The following SIGLEC14 variants were observed in gnomAD, a reference collection of about 807,000 sequenced individuals.
The protein encoded by SIGLEC14 is sialic acid binding Ig like lectin 14, also known as sialic acid-binding Ig-like lectin 14.
A neutral mutation model predicts 34.2 loss-of-function variants in SIGLEC14; 11 were observed. The observed-to-expected ratio is 0.32, with a 90% confidence interval of 0.20 to 0.53. The LOEUF is 0.53. Ranked by LOEUF, SIGLEC14 falls within the 20% of genes least tolerant of loss-of-function variation. SIGLEC14 has a pLI of 0.95. For missense variants in SIGLEC14, 264 were observed against 439.0 expected (o/e 0.60, Z 3.56); for synonymous variants, 99 against 179.7 (o/e 0.55, Z 3.59).
intron 5 of SIGLEC14, 43 bp downstream of exon 5, chr19:51,643,736 C>G (rs775247978): frequency 1.3e-6 from 2 of 1,514,330 alleles, no homozygotes; most frequent in Admixed American, 1.8e-5. Context: ...AACCTGAATA[C>G]CTCACCGGGC....
At position 51,642,862 on chromosome 19, in the gene SIGLEC14, C is replaced by CA. The variant is rs879605234; in HGVS notation, c.*492dup. 7.2e-3 allele frequency: 956 copies of CA among 133,476 alleles called. 39 individuals carry two copies. The highest frequency in any genetic ancestry group is 0.026 in the South Asian group (170 of 6,566). The allele number at this position is 133,476 out of a possible 1,614,324, so 8.3% of individuals were successfully genotyped here. ...GTAAAACCCCATCTCTACTAACATA[C>CA]AAAAAAAAAAAATTAACTGGATGTG... On this transcript the variant is annotated 3_prime_UTR_variant, in exon 7 of 7. Transcript: ENST00000360844.
At chr19:51,644,913 G>A (rs1360190895) in intron 4 of SIGLEC14, among the ~76,000 whole-genome samples, 1 of 137,348 alleles carries the variant, frequency 7.3e-6, no homozygotes, top group Non-Finnish European at 1.6e-5. Flanking sequence ...ACAGAGCTGT[G>A]GGAGGTGGGA....
Position 51,641,105 on chromosome 19 carries a change from C to T in SIGLEC14, c.*2250G>A, listed in dbSNP as rs879328100. ...AAACTGAGAGGAGAAACTGACAAAT[C>T]CAACATTAGGATCAGAGACTTCAAC... On this transcript the variant is annotated 3_prime_UTR_variant, in exon 7 of 7. Coordinates refer to ENST00000360844, the MANE Select transcript of SIGLEC14 (RefSeq NM_001098612.3). 7.2e-6 allele frequency among the ~76,000 whole-genome samples: 1 copy of T among 138,538 alleles called. No homozygotes were observed. The highest frequency in any genetic ancestry group is 1.5e-5 in the Non-Finnish European group (1 of 64,784). The allele number at this position is 138,538 out of a possible 152,430, so 90.9% of individuals were successfully genotyped here. A position where few individuals can be genotyped will look rare whatever the true frequency, so the allele number is the denominator to read the frequency against.
rs118075827 is a variant in SIGLEC14 at position 51,644,020 on chromosome 19, G to A, written c.771C>T (p.Ser257=). ...CCTGGATGGGCACCGACATGCCATT[G>A]CTCAGGATCCGCAGGGCTGGGAAAG... is the stretch of plus-strand genomic sequence containing the variant. ...NGTGTALRIL[S]NGMSVPIQEG... Residue 257 remains serine (S), a synonymous_variant, in exon 5 of 7, where the codon AGC becomes AGT. Coordinates refer to ENST00000360844, the MANE Select transcript of SIGLEC14 (RefSeq NM_001098612.3). 4,775 of 1,518,190 alleles carry A rather than the reference G, an allele frequency of 3.1e-3. 717 individuals are homozygous for A. Among genetic ancestry groups the A allele is most frequent in the Non-Finnish European group, 3.8e-3 (4,323 of 1,132,880 alleles). 94.0% of individuals were successfully genotyped at this position (1,518,190 alleles called of 1,614,324 possible).
At position 51,642,195 on chromosome 19, in the gene SIGLEC14, A is replaced by G. The variant is rs541028097; in HGVS notation, c.*1160T>C. On this transcript the variant is annotated 3_prime_UTR_variant, in exon 7 of 7. Transcript: ENST00000360844. ...GTGATTAAAGGGAAAATGCAGAACC[A>G]GTGGATACAGAAGGCTGACTGTACG... 2.4e-4 allele frequency among the ~76,000 whole-genome samples: 33 copies of G among 139,226 alleles called. 4 individuals carry two copies. The highest frequency in any genetic ancestry group is 7.9e-4 in the African/African-American group (29 of 36,784). The allele number at this position is 139,226 out of a possible 152,430, so 91.3% of individuals were successfully genotyped here.
Position 51,646,775 on chromosome 19 carries a change from G to A in SIGLEC14, c.-16C>T. 1 of 588,776 alleles carries A rather than the reference G, an allele frequency of 1.7e-6. No individual in the cohort carries two copies. Among genetic ancestry groups the A allele is most frequent in the Non-Finnish European group, 2.9e-6 (1 of 347,478 alleles). The allele number at this position is 588,776 out of a possible 1,614,324, so 36.5% of individuals were successfully genotyped here. On this transcript the variant is annotated 5_prime_UTR_variant, in exon 1 of 7. Transcript: ENST00000360844. ...GGGGCAGCATGTCTCCATCCGCCAG[G>A]GCCCCAGCCCAGTCCCAGGTCCGGC...
At chr19:51,646,679 C>A (rs1163767741) in intron 1 of SIGLEC14, 39 bp from the exon 2 acceptor site, 21 of 564,440 alleles carry the variant, frequency 3.7e-5, no homozygotes, top group Non-Finnish European at 5.8e-6. Flanking sequence ...CTCCAGCCCC[C>A]CTTCTCACCC....
In SIGLEC14 at chr19:51,643,652, A is replaced by G; in HGVS notation, c.1033T>C (p.Cys345Arg). ...GAGCCCTGCTGTTTCTCAGTTACAC[A>G]TATGCAGGAAGAGGAGCTTCCTGGG... ...SVQRSSSSCI[C>R]VTEKQQGSWP... The change falls in exon 6 of 7, where the codon TGT (cysteine) becomes CGT (arginine). Residue 345 changes from cysteine (C) to arginine (R), a missense_variant. This residue lies in a region of SIGLEC14 where 149 missense variants were observed against 184.4 expected (regional missense o/e 0.81). Transcript: ENST00000360844. The G allele has an allele frequency of 1.3e-6, 2 of 1,531,506 alleles. No individual in the cohort carries two copies. Among genetic ancestry groups the G allele is most frequent in the Non-Finnish European group, 1.8e-6 (2 of 1,140,836 alleles). 94.9% of individuals were successfully genotyped at this position (1,531,506 alleles called of 1,614,324 possible). A position where few individuals can be genotyped will look rare whatever the true frequency, so the allele number is the denominator to read the frequency against.
At position 51,646,556 on chromosome 19, in the gene SIGLEC14, C is replaced by G. The variant is rs1410666231; in HGVS notation, c.122G>C (p.Cys41Ser). 2 of 527,216 alleles carry G rather than the reference C, an allele frequency of 3.8e-6. No homozygotes were observed. Among genetic ancestry groups the G allele is most frequent in the Non-Finnish European group, 6.1e-6 (2 of 328,648 alleles). 32.7% of individuals were successfully genotyped at this position (527,216 alleles called of 1,614,324 possible). ...VQEGLCVLVP[C>S]SFSYPWRSWY... ...GGATCTCCAGGGGTAAGAGAAGGAG[C>G]AGGGCACAAGGACGCACAGGCCCTC... The change falls in exon 2 of 7, where the codon TGC becomes TCC. Residue 41 changes from cysteine to serine, a missense_variant. Cys to Ser is a moderately radical substitution (Grantham distance 112). This residue lies in a region of SIGLEC14 where 30 missense variants were observed against 29.7 expected (regional missense o/e 1.01). Transcript: ENST00000360844.
In SIGLEC14 at chr19:51,643,925, T is replaced by A; in HGVS notation, c.866A>T (p.Glu289Val). ...NPPASLSWFREGKALNPSQTS... is the reference protein window; with the variant it reads ...NPPASLSWFRVGKALNPSQTS... ...CTGGGAAGGATTGAGGGCTTTTCCCTCCCGGAACCAGCTCAGTGAGGCAGG... is the reference window on the plus strand; with the variant it reads ...CTGGGAAGGATTGAGGGCTTTTCCCACCCGGAACCAGCTCAGTGAGGCAGG... The change falls in exon 5 of 7, where the codon GAG (glutamate) becomes GTG (valine). Residue 289 changes from glutamate (E) to valine (V), a missense_variant. Physicochemically the swap from Glu to Val is moderately radical, Grantham distance 121 (BLOSUM62 -2). Transcript: ENST00000360844. 2.0e-6 allele frequency: 3 copies of A among 1,533,598 alleles called. 1 individual carries two copies. The highest frequency in any genetic ancestry group is 2.6e-6 in the Non-Finnish European group (3 of 1,141,562). 95.0% of individuals were successfully genotyped at this position (1,533,598 alleles called of 1,614,324 possible).
rs972021398 is a variant in SIGLEC14 at position 51,640,251 on chromosome 19, G to A, written c.*3104C>T. 7.2e-6 allele frequency among the ~76,000 whole-genome samples: 1 copy of A among 139,298 alleles called. No individual in the cohort carries two copies. Among genetic ancestry groups the A allele is most frequent in the Non-Finnish European group, 1.5e-5 (1 of 65,054 alleles). The allele number at this position is 139,298 out of a possible 152,430, so 91.4% of individuals were successfully genotyped here. On this transcript the variant is annotated 3_prime_UTR_variant, in exon 7 of 7. Transcript: ENST00000360844. The stretch of plus-strand genomic sequence containing the variant: ...GGGAAAAAAAACTACTTGGGAAATG[G>A]GATAAAAGAAAATAGATTCTGGAAC...
At position 51,639,563 on chromosome 19, in the gene SIGLEC14, G is replaced by A. The variant is rs1399859632; in HGVS notation, c.*3792C>T. On this transcript the variant is annotated 3_prime_UTR_variant, in exon 7 of 7. Transcript: ENST00000360844. ...AAGGTGCCAGCGGATTCAGTGTCTG[G>A]AGAGAATTATTTGCTTCCCAGATAG... 1 of 139,576 alleles carries A rather than the reference G, an allele frequency of 7.2e-6. No individual in the cohort carries two copies. The highest frequency in any genetic ancestry group is 1.5e-5 in the Non-Finnish European group (1 of 65,016). The allele number at this position is 139,576 out of a possible 1,614,324, so 8.6% of individuals were successfully genotyped here. A position where few individuals can be genotyped will look rare whatever the true frequency, so the allele number is the denominator to read the frequency against.
In SIGLEC14 at chr19:51,640,352, C is replaced by T. The variant is rs1401918668; in HGVS notation, c.*3003G>A. On this transcript the variant is annotated 3_prime_UTR_variant, in exon 7 of 7. Transcript: ENST00000360844. ...CCAATGGTAGGTCAGAGCTACAGTG[C>T]AGAAAGTGGCTGCTAAAATTCTAAT... is the stretch of plus-strand genomic sequence containing the variant. Among the ~76,000 whole-genome samples the T allele has an allele frequency of 7.2e-6, 1 of 138,926 alleles. No homozygotes were observed. Among genetic ancestry groups the T allele is most frequent in the Non-Finnish European group, 1.5e-5 (1 of 64,944 alleles). 91.1% of individuals were successfully genotyped at this position (138,926 alleles called of 152,430 possible).
chr19:51,644,567 G>A lies in SIGLEC14; in HGVS notation c.755-531C>T, dbSNP rs2122124155. 1.5e-5 allele frequency among the ~76,000 whole-genome samples: 2 copies of A among 137,878 alleles called. 1 individual carries two copies. The highest frequency in any genetic ancestry group is 6.8e-4 in the East Asian group (2 of 2,940). 90.5% of individuals were successfully genotyped at this position (137,878 alleles called of 152,430 possible). A position where few individuals can be genotyped will look rare whatever the true frequency, so the allele number is the denominator to read the frequency against. ...GGATAGGAGGCAGGGAGGCTGGGAGGAGGCTGGGGCAATGGGCCAGGGTTG... is the reference window on the plus strand; with the variant it reads ...GGATAGGAGGCAGGGAGGCTGGGAGAAGGCTGGGGCAATGGGCCAGGGTTG... On this transcript the variant is annotated intron_variant, in intron 4 of 6. Coordinates refer to ENST00000360844, the MANE Select transcript of SIGLEC14 (RefSeq NM_001098612.3).
Position 51,643,177 on chromosome 19 carries a change from G to T in SIGLEC14, c.*178C>A, listed in dbSNP as rs1983945447. ...GGATGGGGTGCAGATGGGGATGCAG[G>T]TGTGGTGGGGCAAGACTCACAAGCA... On this transcript the variant is annotated 3_prime_UTR_variant, in exon 7 of 7. Transcript: ENST00000360844. 2.2e-5 allele frequency: 13 copies of T among 594,882 alleles called. 2 individuals are homozygous for T. Among genetic ancestry groups the T allele is most frequent in the Middle Eastern group, 8.4e-4 (2 of 2,384 alleles). The allele number at this position is 594,882 out of a possible 1,614,324, so 36.9% of individuals were successfully genotyped here. A position where few individuals can be genotyped will look rare whatever the true frequency, so the allele number is the denominator to read the frequency against.
At position 51,645,861 on chromosome 19, in the gene SIGLEC14, A is replaced by G. The variant is rs1369324670; in HGVS notation, c.621T>C (p.His207=). The change falls in exon 3 of 7, where the codon CAT becomes CAC. Residue 207 remains histidine (H), a synonymous_variant. Coordinates refer to ENST00000360844, the MANE Select transcript of SIGLEC14 (RefSeq NM_001098612.3). ...ELTLTPRPED[H]GTNLTCQVKR... ...TCACCTGACAGGTGAGGTTGGTGCC[A>G]TGGTCCTCGGGCCTGGGGGTGAGGG... 22 of 1,527,274 alleles carry G rather than the reference A, an allele frequency of 1.4e-5. 2 individuals are homozygous for G. Among genetic ancestry groups the G allele is most frequent in the Non-Finnish European group, 1.9e-5 (22 of 1,139,656 alleles). The allele number at this position is 1,527,274 out of a possible 1,614,324, so 94.6% of individuals were successfully genotyped here.
rs561710622 is a variant in SIGLEC14 at position 51,641,344 on chromosome 19, A to G, written c.*2011T>C. 7.2e-6 allele frequency among the ~76,000 whole-genome samples: 1 copy of G among 139,848 alleles called. No homozygotes were observed. Among genetic ancestry groups the G allele is most frequent in the South Asian group, 2.4e-4 (1 of 4,108 alleles). The allele number at this position is 139,848 out of a possible 152,430, so 91.7% of individuals were successfully genotyped here. A position where few individuals can be genotyped will look rare whatever the true frequency, so the allele number is the denominator to read the frequency against. On this transcript the variant is annotated 3_prime_UTR_variant, in exon 7 of 7. Transcript: ENST00000360844. ...TATAAAAGACTCTCACGGTTGGTGA[A>G]AGTGAAAGTTAGTTCAGCCATTGTG...
intron 6 of SIGLEC14, 58 bp downstream of exon 6, chr19:51,643,479 G>GCCCGC: frequency 7.7e-7 from 1 of 1,296,398 alleles, no homozygotes. Context: ...CCTGGGGCAG[G>GCCCGC]ACAGCTCAGC....
At position 51,645,953 on chromosome 19, in the gene SIGLEC14, T is replaced by C. The variant is rs764941947; in HGVS notation, c.529A>G (p.Thr177Ala). 7.0e-7 allele frequency: 1 copy of C among 1,436,696 alleles called. No homozygotes were observed. Among genetic ancestry groups the C allele is most frequent in the South Asian group, 1.3e-5 (1 of 77,136 alleles). The allele number at this position is 1,436,696 out of a possible 1,614,324, so 89.0% of individuals were successfully genotyped here. ...AGGGCATTCCCCGTCCAGGAGAATG[T>C]GAGAGGTGGTCCCGCTTCACAGGAT... Reference protein sequence around the residue: ...PGSCEAGPPLTFSWTGNALSP... With the variant: ...PGSCEAGPPLAFSWTGNALSP... Residue 177 changes from threonine (T) to alanine (A), a missense_variant, in exon 3 of 7, where the codon ACA becomes GCA. This residue lies in a region of SIGLEC14 where 45 missense variants were observed against 96.7 expected (regional missense o/e 0.47). Coordinates refer to ENST00000360844, the MANE Select transcript of SIGLEC14 (RefSeq NM_001098612.3).
Sources: allele counts gnomAD v4.1 joint callset (sites outside exome capture counted in the v4.1 genomes callset), GRCh38; gene constraint gnomAD v4.1.1; regional missense constraint gnomAD v4.1.1; transcripts MANE v1.5; gene names NCBI Gene and HGNC (gene_info 2026-07-23, HGNC 2026-07-21).